Variants in ADD1 observed in about 807,000 individuals in gnomAD.
The protein encoded by ADD1 is alpha-adducin.
Under a neutral mutation model 80.5 loss-of-function variants are expected in ADD1, and 24 were observed. The ratio of observed to expected loss-of-function variants is 0.30; its 90% CI spans 0.22 to 0.42. The LOEUF (loss-of-function observed/expected upper bound fraction) is 0.42. ADD1 is among the 10% of genes least tolerant of loss of function. The pLI is 1.00. For synonymous variants in ADD1, 373 were observed against 393.8 expected (o/e 0.95, Z 0.63); for missense variants, 948 against 1,019.0 (o/e 0.93, Z 0.95).
chr4:2,852,237 TTCTTTCTTTC>T (rs1380256292), intron 1 of ADD1, among the ~76,000 whole-genome samples: 2 of 147,472 alleles, frequency 1.4e-5, no homozygotes, highest in African/African-American at 2.5e-5. Flanking sequence ...TTTCCTTTCT[TTCTTTCTTTC>T]TCTTTCTTTC....
chr4:2,913,095 G>T (rs752235170), intron 13 of ADD1, among the ~76,000 whole-genome samples: 1 of 152,034 alleles, frequency 6.6e-6, no homozygotes, highest in Non-Finnish European at 1.5e-5. Flanking sequence ...TGATCCACCC[G>T]CCTCAGCTTC....
At chr4:2,875,285 T>C (rs1235418651) in intron 1 of ADD1, among the ~76,000 whole-genome samples, 3 of 152,114 alleles carry the variant, frequency 2.0e-5, no homozygotes, top group Admixed American at 2.0e-4. Flanking sequence ...ATTTTAAATT[T>C]GAGCCATCTT....
chr4:2,852,028 G>A (rs1401270799), intron 1 of ADD1, among the ~76,000 whole-genome samples: 3 of 151,946 alleles, frequency 2.0e-5, no homozygotes, highest in Non-Finnish European at 4.4e-5. Context: ...TAGTAGAGAC[G>A]GGGTTTCCCC....
chr4:2,894,243 G>C (rs143836523), intron 5 of ADD1, 150 bp downstream of exon 5: 1 of 691,114 alleles, frequency 1.4e-6, no homozygotes, highest in African/African-American at 1.8e-5. Context: ...ACCTTTGAGA[G>C]AAGTTACAAA....
chr4:2,894,849 A>G (rs566890019), intron 6 of ADD1, 118 bp downstream of exon 6: 1 of 970,670 alleles, frequency 1.0e-6, no homozygotes, highest in Admixed American at 4.0e-5. Context: ...TGTTGAATAT[A>G]AAAAAAAAGG....
chr4:2,852,861 A>G (rs1727525779), intron 1 of ADD1, among the ~76,000 whole-genome samples: 1 of 151,654 alleles, frequency 6.6e-6, no homozygotes, highest in Admixed American at 6.6e-5. Context: ...CACCACACCC[A>G]GCTAACTAAA....
Position 2,929,348 on chromosome 4 carries a change from C to T in ADD1, c.*825C>T, listed in dbSNP as rs997318686. 6.6e-6 allele frequency: 1 copy of T among 152,370 alleles called. No individual in the cohort carries two copies. The highest frequency in any genetic ancestry group is 1.9e-4 in the East Asian group (1 of 5,172). 9.4% of individuals were successfully genotyped at this position (152,370 alleles called of 1,614,324 possible). ...TCTTTCCAGACCCCACAGTAGAGCA[C>T]TTTTCACTTATTTGGGGGAGGCTTC... On this transcript the variant is annotated 3_prime_UTR_variant, in exon 16 of 16. Coordinates refer to ENST00000683351, the MANE Select transcript of ADD1 (RefSeq NM_001354761.2).
chr4:2,857,207 C>T (rs890076585), intron 1 of ADD1, among the ~76,000 whole-genome samples: 7 of 152,192 alleles, frequency 4.6e-5, no homozygotes, highest in African/African-American at 9.7e-5. Context: ...CCACCACACC[C>T]GGCCAGGGCA....
chr4:2,858,630 C>T (rs1394260638), intron 1 of ADD1, among the ~76,000 whole-genome samples: 2 of 152,168 alleles, frequency 1.3e-5, no homozygotes, highest in Non-Finnish European at 2.9e-5. Flanking sequence ...TTAAAGTTCA[C>T]TCACATTTGT....
intron 1 of ADD1, among the ~76,000 whole-genome samples, chr4:2,872,656 G>A (rs995816246): frequency 1.3e-5 from 2 of 152,182 alleles, no homozygotes; most frequent in Non-Finnish European, 2.9e-5. Flanking sequence ...CTCCCAGGTC[G>A]AGTGATCCTC....
At chr4:2,871,734 A>G (rs1730488289) in intron 1 of ADD1, among the ~76,000 whole-genome samples, 1 of 152,196 alleles carries the variant, frequency 6.6e-6, no homozygotes. Context: ...TTGCCCCCAT[A>G]TAAGTTTTAG....
At chr4:2,862,708 T>A (rs551445244) in intron 1 of ADD1, among the ~76,000 whole-genome samples, 16 of 152,306 alleles carry the variant, frequency 1.1e-4, no homozygotes, top group African/African-American at 2.9e-4. Flanking sequence ...GACTCCCAGT[T>A]CCCTACCCAT....
chr4:2,859,912 G>A (rs1051431328), intron 1 of ADD1, among the ~76,000 whole-genome samples: 6 of 139,788 alleles, frequency 4.3e-5, no homozygotes, highest in Non-Finnish European at 6.2e-5. Context: ...TGGTTCCCCT[G>A]ATATTGCTCC....
intron 9 of ADD1, chr4:2,902,291 G>C (rs539650800): frequency 6.6e-6 from 1 of 152,292 alleles, no homozygotes; most frequent in Admixed American, 6.5e-5. Context: ...TCTGCAGATA[G>C]TCTTTATGGC....
chr4:2,898,039 G>A, intron 6 of ADD1, 145 bp from the exon 7 acceptor site: 1 of 1,105,960 alleles, frequency 9.0e-7, no homozygotes, highest in Non-Finnish European at 1.3e-6. Context: ...AACCAAGTTT[G>A]TCTTAAGTTC....
intron 5 of ADD1, 92 bp downstream of exon 5, chr4:2,894,185 A>G: frequency 1.9e-6 from 2 of 1,069,130 alleles, no homozygotes; most frequent in Non-Finnish European, 2.9e-6. Flanking sequence ...AAAACCCAAG[A>G]AACAAGAAAG....
chr4:2,881,430 TAAG>T (rs1732318253), intron 2 of ADD1, among the ~76,000 whole-genome samples: 1 of 152,202 alleles, frequency 6.6e-6, no homozygotes, highest in Non-Finnish European at 1.5e-5. Flanking sequence ...TTTGCTGTAA[TAAG>T]GACTGGTTAT....
intron 13 of ADD1, among the ~76,000 whole-genome samples, chr4:2,910,021 A>G (rs1453681195): frequency 2.0e-5 from 3 of 148,592 alleles, no homozygotes; most frequent in Non-Finnish European, 4.4e-5. Context: ...CAGAGGAGAA[A>G]GACTTAGGAG....
chr4:2,876,834 G>A (rs1315709310), intron 2 of ADD1, among the ~76,000 whole-genome samples: 20 of 137,524 alleles, frequency 1.5e-4, no homozygotes, highest in Non-Finnish European at 1.3e-4. Context: ...GAGAGACTCC[G>A]TCCCAAAAAA....
Sources: gnomAD v4.1 joint callset for allele counts (sites outside exome capture counted in the v4.1 genomes callset) on GRCh38, gnomAD v4.1.1 for gene constraint, MANE v1.5 for transcripts, NCBI Gene and HGNC (gene_info 2026-07-23, HGNC 2026-07-21) for gene names.